Variants in GSK3B observed in about 807,000 individuals in gnomAD.
GSK3B encodes glycogen synthase kinase-3 beta.
Under a neutral mutation model 56.4 loss-of-function variants are expected in GSK3B, and 15 were observed. The ratio of observed to expected loss-of-function variants is 0.27; its 90% CI spans 0.18 to 0.41. GSK3B has a LOEUF of 0.41. GSK3B is among the 10% of genes least tolerant of loss of function. The probability of loss-of-function intolerance (pLI) is 1.00; values close to 1 mark genes in which losing one functional copy is unlikely to be tolerated. For synonymous variants in GSK3B, 181 were observed against 188.9 expected (o/e 0.96, Z 0.34); for missense variants, 300 against 513.4 (o/e 0.58, Z 4.02).
intron 2 of GSK3B, among the ~76,000 whole-genome samples, chr3:119,949,676 GTGATACAATCAGAT>G (rs1187549707): frequency 6.6e-6 from 1 of 151,320 alleles, no homozygotes; most frequent in Non-Finnish European, 1.5e-5. Context: ...GACCAGGAAA[GTGATACAATCAGAT>G]TTACCTTTCA....
chr3:119,913,033 G>A (rs182520343), intron 5 of GSK3B, among the ~76,000 whole-genome samples: 144 of 152,192 alleles, frequency 9.5e-4, no homozygotes, highest in Non-Finnish European at 1.5e-3. Context: ...TAAAGAAAGC[G>A]TTTGTCACCT....
intron 7 of GSK3B, among the ~76,000 whole-genome samples, chr3:119,881,998 C>T (rs151218886): frequency 1.5e-3 from 232 of 152,286 alleles, no homozygotes; most frequent in Middle Eastern, 3.4e-3. Context: ...GAGGCCTTCC[C>T]AGGCATGTGG....
intron 2 of GSK3B, among the ~76,000 whole-genome samples, chr3:119,948,275 A>G (rs770792903): frequency 6.6e-6 from 1 of 152,170 alleles, no homozygotes; most frequent in Non-Finnish European, 1.5e-5. Context: ...ACGGTCAGAA[A>G]AGAGGCCAAG....
At chr3:119,977,279 C>T (rs955005945) in intron 2 of GSK3B, among the ~76,000 whole-genome samples, 1 of 152,144 alleles carries the variant, frequency 6.6e-6, no homozygotes, top group Non-Finnish European at 1.5e-5. Flanking sequence ...GTATGAAAAC[C>T]TGCCTCTCAG....
intron 8 of GSK3B, among the ~76,000 whole-genome samples, chr3:119,874,458 C>A (rs1045367558): frequency 6.6e-6 from 1 of 151,964 alleles, no homozygotes; most frequent in Non-Finnish European, 1.5e-5. Context: ...TATTGTACTA[C>A]ATCACCGATT....
intron 2 of GSK3B, among the ~76,000 whole-genome samples, chr3:119,956,375 T>C (rs1213294985): frequency 2.0e-5 from 3 of 152,208 alleles, no homozygotes; most frequent in Non-Finnish European, 1.5e-5. Context: ...TTATTGCCTA[T>C]ACAGGTTGAA....
chr3:119,909,287 A>G (rs2056713561), intron 6 of GSK3B, among the ~76,000 whole-genome samples: 1 of 152,130 alleles, frequency 6.6e-6, no homozygotes, highest in Admixed American at 6.6e-5. Context: ...CTGGGATTAC[A>G]GGTGTGAGCC....
intron 2 of GSK3B, among the ~76,000 whole-genome samples, chr3:119,973,944 T>C (rs969341184): frequency 2.0e-5 from 3 of 152,146 alleles, no homozygotes; most frequent in Non-Finnish European, 4.4e-5. Context: ...ACCTTATACC[T>C]TTCACAAAAA....
intron 8 of GSK3B, among the ~76,000 whole-genome samples, chr3:119,872,491 T>G (rs139076783): frequency 1.5e-3 from 232 of 152,238 alleles, no homozygotes; most frequent in Middle Eastern, 3.4e-3. Context: ...GAATTTTAAA[T>G]AGGAGTGACA....
intron 7 of GSK3B, among the ~76,000 whole-genome samples, chr3:119,895,793 T>C (rs138845551): frequency 9.1e-4 from 138 of 152,228 alleles, no homozygotes; most frequent in African/African-American, 3.0e-3. Flanking sequence ...CAGTAATACA[T>C]TGTCTTGATT....
At chr3:120,004,692 A>G (rs2107486807) in intron 1 of GSK3B, among the ~76,000 whole-genome samples, 1 of 152,338 alleles carries the variant, frequency 6.6e-6, no homozygotes, top group East Asian at 1.9e-4. Context: ...CCTGACTGTT[A>G]GAAGGAAAAC....
chr3:120,025,089 T>G (rs966901411), intron 1 of GSK3B, among the ~76,000 whole-genome samples: 1 of 152,100 alleles, frequency 6.6e-6, no homozygotes, highest in Non-Finnish European at 1.5e-5. Flanking sequence ...CCAGGTGTGG[T>G]GGCTCATGTC....
At chr3:119,977,520 C>G (rs1165391757) in intron 2 of GSK3B, among the ~76,000 whole-genome samples, 1 of 152,224 alleles carries the variant, frequency 6.6e-6, no homozygotes. Flanking sequence ...GGCAATGTAA[C>G]ACTTTTCCTA....
At chr3:119,963,183 A>G (rs984988476) in intron 2 of GSK3B, among the ~76,000 whole-genome samples, 13 of 152,216 alleles carry the variant, frequency 8.5e-5, no homozygotes, top group Non-Finnish European at 1.6e-4. Flanking sequence ...AACGCTAATG[A>G]AAGAAATTAA....
Position 119,863,410 on chromosome 3 carries a change from T to C in GSK3B, c.1096+9A>G. The C allele has an allele frequency of 6.2e-7, 1 of 1,608,596 alleles. No individual in the cohort carries two copies. On this transcript the variant is annotated intron_variant, in intron 9 of 10. Transcript: ENST00000264235. ...AGAACTGGTGAAGAGGCTAAGTGTT[T>C]GGAGTTACCTTGAGTGGTGAAGTTG...
At chr3:120,059,460 C>T (rs531781189) in intron 1 of GSK3B, among the ~76,000 whole-genome samples, 8 of 152,302 alleles carry the variant, frequency 5.3e-5, no homozygotes, top group Non-Finnish European at 1.0e-4. Context: ...AAAGCCTTCA[C>T]ACAAAGCTGT....
At chr3:119,920,005 G>A (rs921868031) in intron 4 of GSK3B, among the ~76,000 whole-genome samples, 5 of 152,108 alleles carry the variant, frequency 3.3e-5, no homozygotes, top group African/African-American at 1.2e-4. Context: ...GATAAATTAT[G>A]AACACTTAAA....
intron 1 of GSK3B, among the ~76,000 whole-genome samples, chr3:120,081,154 A>G (rs1262251061): frequency 1.3e-5 from 2 of 152,120 alleles, no homozygotes; most frequent in African/African-American, 4.8e-5. Context: ...TCATCCATCC[A>G]AAGATTTCAG....
intron 1 of GSK3B, among the ~76,000 whole-genome samples, chr3:120,035,320 C>G (rs1036399847): frequency 6.6e-6 from 1 of 152,182 alleles, no homozygotes; most frequent in Non-Finnish European, 1.5e-5. Context: ...TTCCCTAGAG[C>G]AGTCAGAGCC....
Sources: allele counts gnomAD v4.1 joint callset (sites outside exome capture counted in the v4.1 genomes callset), GRCh38; gene constraint gnomAD v4.1.1; transcripts MANE v1.5; gene names NCBI Gene and HGNC (gene_info 2026-07-23, HGNC 2026-07-21).